Variants in CSF1R observed in about 807,000 individuals in gnomAD.
The protein encoded by CSF1R is colony stimulating factor 1 receptor.
A neutral mutation model predicts 110.0 loss-of-function variants in CSF1R; 40 were observed. That is an observed-to-expected ratio of 0.36 (90% CI 0.28 to 0.47). The LOEUF (loss-of-function observed/expected upper bound fraction) is 0.47. Among genes scored for constraint, CSF1R ranks in the 20% least tolerant of loss-of-function variants. The pLI is 0.99. For synonymous variants in CSF1R, 523 were observed against 503.4 expected (o/e 1.04, Z -0.52); for missense variants, 1,052 against 1,253.0 (o/e 0.84, Z 2.42).
chr5:150,082,972 C>T (rs1293613318), intron 1 of CSF1R, among the ~76,000 whole-genome samples: 1 of 152,174 alleles, frequency 6.6e-6, no homozygotes, highest in East Asian at 1.9e-4. Flanking sequence ...TCCCTTCCCC[C>T]AGCCTGTCTC....
At position 150,086,375 on chromosome 5, in the gene CSF1R, T is replaced by G; in HGVS notation, c.49+4A>C. On this transcript the variant is annotated splice_donor_region_variant and intron_variant, in intron 1 of 20. Coordinates refer to ENST00000675795, the MANE Select transcript of CSF1R (RefSeq NM_001288705.3). ...AAGTCCCCCACCCCCCGTTCTGCTC[T>G]TACCATGCCAAGCTGTGGCCACCAG... 6.2e-7 allele frequency: 1 copy of G among 1,606,964 alleles called. No individual in the cohort carries two copies. The highest frequency in any genetic ancestry group is 8.5e-7 in the Non-Finnish European group (1 of 1,176,786).
intron 18 of CSF1R, among the ~76,000 whole-genome samples, chr5:150,055,661 A>G (rs1757176216): frequency 6.6e-6 from 1 of 152,258 alleles, no homozygotes; most frequent in Non-Finnish European, 1.5e-5. Flanking sequence ...AGAACTGAGT[A>G]CAAGTCCTTG....
chr5:150,071,334 T>C (rs1758022805), intron 6 of CSF1R, among the ~76,000 whole-genome samples: 1 of 152,222 alleles, frequency 6.6e-6, no homozygotes, highest in African/African-American at 2.4e-5. Flanking sequence ...TGAACATGTG[T>C]TGTTTAGGTA....
At chr5:150,054,993 CAAAAAAAAAAA>C (rs11342950) in intron 19 of CSF1R, among the ~76,000 whole-genome samples, 57 of 74,784 alleles carry the variant, frequency 7.6e-4, no homozygotes, top group African/African-American at 2.5e-3. Context: ...GATGCTGTCT[CAAAAAAAAAAA>C]AAAAAAAAAA....
intron 10 of CSF1R, among the ~76,000 whole-genome samples, chr5:150,065,664 C>A (rs187380852): frequency 1.3e-3 from 192 of 152,254 alleles, no homozygotes; most frequent in African/African-American, 4.4e-3. Flanking sequence ...GACCATCCTG[C>A]CCCCTCCGCT....
At chr5:150,100,550 CA>C (rs201282459) in intron 1 of CSF1R, among the ~76,000 whole-genome samples, 4,843 of 152,122 alleles carry the variant, frequency 0.032, 109 homozygotes, top group South Asian at 0.056. Flanking sequence ...GGCTATACAA[CA>C]TATACAGAAA....
At chr5:150,084,809 T>C (rs1442159809) in intron 1 of CSF1R, among the ~76,000 whole-genome samples, 1 of 152,116 alleles carries the variant, frequency 6.6e-6, no homozygotes, top group Admixed American at 6.5e-5. Context: ...CTCAGATACT[T>C]TTCCGTTTTT....
In CSF1R at chr5:150,109,032, C is replaced by T. The variant is rs1236832158; in HGVS notation, c.-181+4229G>A. ...AAACTTTCATGGCCCAGAGCGGCCC[C>T]AGAACCCCATCCCAAGGAGAAGCCC... is the stretch of plus-strand genomic sequence containing the variant. On this transcript the variant is annotated intron_variant, in intron 1 of 21. Transcript: ENST00000286301. 7.4e-5 allele frequency among the ~76,000 whole-genome samples: 11 copies of T among 149,094 alleles called. No individual in the cohort carries two copies. In the East Asian group the frequency reaches 2.1e-3, roughly 28 times the overall value.
At chr5:150,061,621 T>C (rs775305158) in intron 11 of CSF1R, 26 bp from the exon 12 acceptor site, 2 of 1,613,932 alleles carry the variant, frequency 1.2e-6, no homozygotes, top group Non-Finnish European at 8.5e-7. Context: ...GTCCCTTAAG[T>C]CCCTGGGCAC....
upstream of CSF1R, chr5:150,086,555 G>A (rs1758856661): frequency 5.8e-6 from 5 of 861,410 alleles, no homozygotes; most frequent in South Asian, 1.6e-5. Context: ...CTGGCTGTTT[G>A]TCTTGTTTTC....
chr5:150,081,012 G>A lies in CSF1R; in HGVS notation c.62C>T (p.Pro21Leu), dbSNP rs2113833748. The change falls in exon 2 of 21, where the codon CCA becomes CTA. Residue 21 changes from proline (P) to leucine (L), a missense_variant. Physicochemically the swap from Pro to Leu is moderately conservative, Grantham distance 98 (BLOSUM62 -3). Coordinates refer to ENST00000675795, the MANE Select transcript of CSF1R (RefSeq NM_001288705.3). ...VATAWHGQGI[P>L]VIEPSVPELV... is the part of the protein sequence containing the mutation. ...CTCAGGGACACTGGGCTCTATCACT[G>A]GGATTCCCTGACCTGGTGGGAGAGA... 1 of 1,613,894 alleles carries A rather than the reference G, an allele frequency of 6.2e-7. No homozygotes were observed. Among genetic ancestry groups the A allele is most frequent in the East Asian group, 2.2e-5 (1 of 44,888 alleles).
At chr5:150,055,944 G>T in intron 18 of CSF1R, 82 bp downstream of exon 18, 1 of 1,278,954 alleles carries the variant, frequency 7.8e-7, no homozygotes, top group Non-Finnish European at 1.1e-6. Flanking sequence ...CTGTGTCCTG[G>T]GCACCAAACA....
chr5:150,089,067 G>A (rs1758954562), upstream of CSF1R, among the ~76,000 whole-genome samples: 2 of 151,892 alleles, frequency 1.3e-5, no homozygotes, highest in Non-Finnish European at 2.9e-5. Flanking sequence ...GCAATAAAAG[G>A]GAACAGCCTC....
chr5:150,057,519 A>G lies in CSF1R; in HGVS notation c.2206T>C (p.Ser736Pro), dbSNP rs769312420. The stretch of plus-strand genomic sequence containing the variant: ...ACCTCCTCACCTTGCTCAGAGAAGG[A>G]GTCATTTGAAGAAGTGGAGACAGGC... ...MRPVSTSSND[S>P]FSEQDLDKED... Residue 736 changes from serine (S) to proline (P), a missense_variant, in exon 15 of 21, where the codon TCC becomes CCC. Ser to Pro is a moderately conservative substitution (Grantham distance 74). Transcript: ENST00000675795. 6 of 1,614,158 alleles carry G rather than the reference A, an allele frequency of 3.7e-6. No homozygotes were observed. In the East Asian group the frequency reaches 1.3e-4, roughly 36 times the overall value.
At position 150,078,482 on chromosome 5, in the gene CSF1R, C is replaced by G. The variant is rs1758383465; in HGVS notation, c.593-234G>C. ...CTCTACCCCTCCCCAGTCCCGTCAC[C>G]ATTCTCCACTCTGGACTTCTGCACC... On this transcript the variant is annotated intron_variant, in intron 3 of 20. Coordinates refer to ENST00000675795, the MANE Select transcript of CSF1R (RefSeq NM_001288705.3). 5.9e-5 allele frequency among the ~76,000 whole-genome samples: 9 copies of G among 152,044 alleles called. No individual in the cohort carries two copies. In the South Asian group the frequency reaches 1.9e-3, roughly 32 times the overall value.
At chr5:150,064,818 G>A (rs901337763) in intron 10 of CSF1R, among the ~76,000 whole-genome samples, 10 of 152,218 alleles carry the variant, frequency 6.6e-5, no homozygotes, top group Admixed American at 1.3e-4. Flanking sequence ...TTCTGGAAGC[G>A]GACCAAGCTG....
intron 1 of CSF1R, among the ~76,000 whole-genome samples, chr5:150,098,988 G>T (rs1195762918): frequency 6.7e-6 from 1 of 149,032 alleles, no homozygotes; most frequent in East Asian, 2.0e-4. Flanking sequence ...CCACCTCCCA[G>T]GTTCAAGCGA....
At chr5:150,069,751 A>T (rs1757945661) in intron 9 of CSF1R, 122 bp downstream of exon 9, 3 of 891,666 alleles carry the variant, frequency 3.4e-6, no homozygotes, top group Non-Finnish European at 5.0e-6. Flanking sequence ...TACTGCTAGG[A>T]TCTGCTCCAA....
intron 5 of CSF1R, chr5:150,077,001 A>G (rs961600517): frequency 1.2e-5 from 6 of 494,626 alleles, no homozygotes; most frequent in African/African-American, 5.8e-5. Flanking sequence ...GTAGGGAGCT[A>G]CTGGACCCCA....
Sources: gnomAD v4.1 joint callset for allele counts (sites outside exome capture counted in the v4.1 genomes callset) on GRCh38, gnomAD v4.1.1 for gene constraint, MANE v1.5 for transcripts, NCBI Gene and HGNC (gene_info 2026-07-23, HGNC 2026-07-21) for gene names.